PTPRD: variants seen among roughly 807,000 people sequenced by gnomAD.
The protein encoded by PTPRD is receptor-type tyrosine-protein phosphatase delta.
A neutral mutation model predicts 214.5 loss-of-function variants in PTPRD; 34 were observed. That is an observed-to-expected ratio of 0.16 (90% CI 0.12 to 0.21). The LOEUF (loss-of-function observed/expected upper bound fraction) is 0.21, where lower values mean the gene tolerates loss of function less well. PTPRD is among the 10% of genes least tolerant of loss of function. The pLI is 1.00. For missense variants in PTPRD, 2,545 were observed against 2,398.7 expected, an observed-to-expected ratio of 1.06 and a Z score of -1.27; for synonymous variants, 1,128 against 845.7, an observed-to-expected ratio of 1.33 and a Z score of -5.79.
chr9:10,277,203 A>AAACATAAAACATG (rs1555019308), intron 3 of PTPRD, among the ~76,000 whole-genome samples: 1 of 151,680 alleles, frequency 6.6e-6, no homozygotes, highest in African/African-American at 2.4e-5. Context: ...CATAAAACAT[A>AAACATAAAACATG]AACATAAACA....
intron 10 of PTPRD, among the ~76,000 whole-genome samples, chr9:9,078,592 C>T (rs2099754453): frequency 6.6e-6 from 1 of 151,928 alleles, no homozygotes; most frequent in South Asian, 2.1e-4. Context: ...TAGGGGAAGC[C>T]TTAGATTGTG....
chr9:10,527,808 T>C (rs1235068804), intron 2 of PTPRD, among the ~76,000 whole-genome samples: 1 of 152,158 alleles, frequency 6.6e-6, no homozygotes, highest in East Asian at 1.9e-4. Flanking sequence ...CAATAATTAC[T>C]TATGCATATA....
At chr9:10,275,995 T>C (rs2094665925) in intron 3 of PTPRD, among the ~76,000 whole-genome samples, 1 of 152,180 alleles carries the variant, frequency 6.6e-6, no homozygotes, top group Non-Finnish European at 1.5e-5. Flanking sequence ...TATAAGCATT[T>C]GACAAATTTT....
intron 44 of PTPRD, among the ~76,000 whole-genome samples, chr9:8,321,363 A>G (rs943012338): frequency 4.0e-5 from 6 of 151,154 alleles, no homozygotes; most frequent in African/African-American, 1.5e-4. Context: ...CAACTTTTCA[A>G]TTTACTGGTT....
intron 8 of PTPRD, among the ~76,000 whole-genome samples, chr9:9,399,395 A>T (rs1485119320): frequency 6.6e-6 from 1 of 151,950 alleles, no homozygotes; most frequent in Non-Finnish European, 1.5e-5. Flanking sequence ...ATGACCTAAC[A>T]CACAATTACA....
chr9:10,253,647 C>A (rs188495433), intron 3 of PTPRD, among the ~76,000 whole-genome samples: 2 of 151,944 alleles, frequency 1.3e-5, no homozygotes, highest in African/African-American at 4.8e-5. Context: ...ATCTGTTGGA[C>A]GAAGGAAGAA....
intron 9 of PTPRD, among the ~76,000 whole-genome samples, chr9:9,364,878 T>C (rs533848242): frequency 2.9e-5 from 4 of 139,100 alleles, no homozygotes; most frequent in Admixed American, 6.8e-5. Context: ...ACAGATTAGG[T>C]AGAAGGCCCT....
chr9:9,958,645 A>AT (rs2094136145), intron 4 of PTPRD, among the ~76,000 whole-genome samples: 1 of 152,218 alleles, frequency 6.6e-6, no homozygotes, highest in Non-Finnish European at 1.5e-5. Flanking sequence ...TACAAAACAC[A>AT]TATCTGCCAA....
chr9:9,814,676 TCAAA>T (rs1288818943), intron 5 of PTPRD, among the ~76,000 whole-genome samples: 1 of 151,752 alleles, frequency 6.6e-6, no homozygotes, highest in African/African-American at 2.4e-5. Flanking sequence ...CCATACTACC[TCAAA>T]CAATCTACAG....
At chr9:10,313,744 T>C (rs1056980312) in intron 3 of PTPRD, among the ~76,000 whole-genome samples, 1 of 151,970 alleles carries the variant, frequency 6.6e-6, no homozygotes, top group African/African-American at 2.4e-5. Context: ...TGAATTTCAC[T>C]GTGTGTTGAA....
chr9:9,962,308 C>T (rs1482114443), intron 4 of PTPRD, among the ~76,000 whole-genome samples: 1 of 122,898 alleles, frequency 8.1e-6, no homozygotes, highest in Admixed American at 7.6e-5. Context: ...TAACAGAAAA[C>T]AATAATTAAG....
At chr9:9,612,486 C>T (rs1396379013) in intron 7 of PTPRD, among the ~76,000 whole-genome samples, 1 of 152,082 alleles carries the variant, frequency 6.6e-6, no homozygotes. Context: ...TGCAGGTGTG[C>T]ATATAAAAAC....
At chr9:9,854,858 C>G (rs946498796) in intron 5 of PTPRD, among the ~76,000 whole-genome samples, 1 of 152,156 alleles carries the variant, frequency 6.6e-6, no homozygotes, top group Admixed American at 6.5e-5. Context: ...TACTCAAAAA[C>G]TTCCAGGAGA....
At chr9:10,411,567 C>T (rs1350086692) in intron 2 of PTPRD, among the ~76,000 whole-genome samples, 1 of 151,722 alleles carries the variant, frequency 6.6e-6, no homozygotes, top group Non-Finnish European at 1.5e-5. Context: ...TCCTATGTTC[C>T]TAAATTAACC....
At chr9:10,513,047 G>C (rs1057328817) in intron 2 of PTPRD, among the ~76,000 whole-genome samples, 1 of 152,028 alleles carries the variant, frequency 6.6e-6, no homozygotes, top group Non-Finnish European at 1.5e-5. Flanking sequence ...CAGAGCCAAA[G>C]ACAACCTGGT....
intron 14 of PTPRD, among the ~76,000 whole-genome samples, chr9:8,590,926 G>A (rs1041401133): frequency 3.3e-5 from 5 of 152,142 alleles, no homozygotes; most frequent in Non-Finnish European, 5.9e-5. Flanking sequence ...TTAGACTGAG[G>A]TGTCAGCAGG....
chr9:10,326,601 T>C (rs1184573726), intron 3 of PTPRD, among the ~76,000 whole-genome samples: 2 of 151,692 alleles, frequency 1.3e-5, no homozygotes, highest in Non-Finnish European at 1.5e-5. Flanking sequence ...TTTGGTTTTA[T>C]TGAATATTAA....
intron 5 of PTPRD, among the ~76,000 whole-genome samples, chr9:9,784,370 C>T (rs1055107706): frequency 6.6e-6 from 1 of 151,944 alleles, no homozygotes; most frequent in African/African-American, 2.4e-5. Context: ...ACCTTGCAAG[C>T]TTTTTATGGC....
At chr9:10,005,653 G>A (rs1270746116) in intron 4 of PTPRD, among the ~76,000 whole-genome samples, 6 of 151,996 alleles carry the variant, frequency 3.9e-5, no homozygotes, top group Admixed American at 1.3e-4. Flanking sequence ...ATCAAATGCA[G>A]CTTTTCCCTC....
Sources: gnomAD v4.1 joint callset for allele counts (sites outside exome capture counted in the v4.1 genomes callset) on GRCh38, gnomAD v4.1.1 for gene constraint, MANE v1.5 for transcripts, NCBI Gene and HGNC (gene_info 2026-07-23, HGNC 2026-07-21) for gene names.